Variants in GLIS3 observed in about 807,000 individuals in gnomAD.
The protein encoded by GLIS3 is GLIS family zinc finger 3.
In GLIS3, 53 loss-of-function variants were observed where a neutral mutation model predicts 78.6. The observed-to-expected ratio is 0.67, with a 90% CI of 0.54 to 0.85. GLIS3 has a LOEUF of 0.85. Ranked by LOEUF, GLIS3 falls within the 40% of genes least tolerant of loss-of-function variation. The pLI is 0.00. For synonymous variants in GLIS3, 684 were observed against 509.9 expected (o/e 1.34, Z -4.60); for missense variants, 1,703 against 1,231.1 (o/e 1.38, Z -5.74).
chr9:3,983,905 C>A (rs988564228), intron 4 of GLIS3, among the ~76,000 whole-genome samples: 1 of 152,188 alleles, frequency 6.6e-6, no homozygotes, highest in African/African-American at 2.4e-5. Flanking sequence ...AGGAGAAATT[C>A]AAGCTGGCTG....
intron 2 of GLIS3, among the ~76,000 whole-genome samples, chr9:4,181,459 T>C (rs1334078225): frequency 6.6e-6 from 1 of 152,192 alleles, no homozygotes; most frequent in African/African-American, 2.4e-5. Flanking sequence ...CCATGCTGGC[T>C]TACACAGAGG....
intron 2 of GLIS3, among the ~76,000 whole-genome samples, chr9:4,214,996 C>T (rs1231489559): frequency 6.6e-6 from 1 of 152,132 alleles, no homozygotes; most frequent in Non-Finnish European, 1.5e-5. Context: ...GACAGCTCTC[C>T]CTGTACTTTG....
At chr9:4,200,567 T>C (rs1460030385) in intron 2 of GLIS3, among the ~76,000 whole-genome samples, 1 of 152,038 alleles carries the variant, frequency 6.6e-6, no homozygotes, top group Non-Finnish European at 1.5e-5. Flanking sequence ...AGGAAATAGA[T>C]AAATTCCTGG....
chr9:4,225,855 G>T (rs1056702650), intron 2 of GLIS3, among the ~76,000 whole-genome samples: 1 of 152,142 alleles, frequency 6.6e-6, no homozygotes, highest in South Asian at 2.1e-4. Context: ...CAATTTTTCT[G>T]AGTTTTAATT....
chr9:3,939,565 G>A (rs1826087846), intron 4 of GLIS3, among the ~76,000 whole-genome samples: 1 of 152,104 alleles, frequency 6.6e-6, no homozygotes. Context: ...TTTTCAAATA[G>A]CAAGGATAGA....
intron 2 of GLIS3, among the ~76,000 whole-genome samples, chr9:4,323,640 T>C (rs1416086163): frequency 1.3e-5 from 2 of 152,294 alleles, no homozygotes; most frequent in East Asian, 3.9e-4. Context: ...ACCCCCTTAT[T>C]TATTATAGAC....
chr9:3,921,882 G>A (rs1824911152), intron 6 of GLIS3, among the ~76,000 whole-genome samples: 1 of 150,378 alleles, frequency 6.6e-6, no homozygotes, highest in Non-Finnish European at 1.5e-5. Flanking sequence ...TCTAAGAACT[G>A]TATATCAATA....
In GLIS3 at chr9:4,021,611, A is replaced by G. The variant is rs73388289; in HGVS notation, c.1711-84422T>C. ...GTCAGCTTTCCTATTCAACAGTTGA[A>G]CACTGGTAGAACCTCATTTTCAATT... On this transcript the variant is annotated intron_variant, in intron 4 of 10. Coordinates refer to ENST00000381971, the MANE Select transcript of GLIS3 (RefSeq NM_001042413.2). Among the ~76,000 whole-genome samples the G allele has an allele frequency of 1.9e-3, 293 of 152,300 alleles. 2 individuals carry two copies. Among genetic ancestry groups the G allele is most frequent in the African/African-American group, 6.7e-3 (278 of 41,560 alleles).
intron 2 of GLIS3, among the ~76,000 whole-genome samples, chr9:4,141,469 A>G (rs1290271155): frequency 1.3e-5 from 2 of 152,214 alleles, no homozygotes; most frequent in African/African-American, 4.8e-5. Context: ...AGTAACCTGA[A>G]GAACCAAGAA....
chr9:4,167,755 A>G (rs1815997815), intron 2 of GLIS3, among the ~76,000 whole-genome samples: 1 of 152,220 alleles, frequency 6.6e-6, no homozygotes, highest in African/African-American at 2.4e-5. Context: ...TGCCTTTCAT[A>G]TACTTTTCTG....
intron 7 of GLIS3, among the ~76,000 whole-genome samples, chr9:3,890,368 T>A (rs1399184641): frequency 6.6e-6 from 1 of 152,136 alleles, no homozygotes; most frequent in African/African-American, 2.4e-5. Context: ...GAAGGAACGC[T>A]TTATGTCAGC....
chr9:4,462,375 C>A, the GLIS3 span, among the ~76,000 whole-genome samples: 15 of 152,094 alleles, frequency 9.9e-5, no homozygotes, highest in African/African-American at 3.4e-4. Context: ...GGTAAGAGAC[C>A]AGTGGGGGTG....
chr9:4,454,071 T>G, the GLIS3 span, among the ~76,000 whole-genome samples: 1 of 150,850 alleles, frequency 6.6e-6, no homozygotes, highest in Admixed American at 6.6e-5. Flanking sequence ...TCAGCTTTAT[T>G]GAGGTATATT....
At chr9:4,460,456 G>C in the GLIS3 span, among the ~76,000 whole-genome samples, 1 of 152,148 alleles carries the variant, frequency 6.6e-6, no homozygotes, top group African/African-American at 2.4e-5. Context: ...ACACCATATG[G>C]TGCTTCTCCA....
chr9:4,332,255 C>A (rs1300109976), intron 2 of GLIS3, among the ~76,000 whole-genome samples: 1 of 152,158 alleles, frequency 6.6e-6, no homozygotes, highest in African/African-American at 2.4e-5. Flanking sequence ...TCACTGATAG[C>A]GCCTTTCCTT....
intron 2 of GLIS3, among the ~76,000 whole-genome samples, chr9:4,184,589 C>A (rs981176586): frequency 2.0e-5 from 3 of 152,114 alleles, no homozygotes; most frequent in African/African-American, 7.2e-5. Context: ...AATGTGTTTG[C>A]TTAAAAGAGA....
intron 9 of GLIS3, among the ~76,000 whole-genome samples, chr9:3,845,438 A>T (rs541769572): frequency 2.6e-5 from 4 of 152,310 alleles, no homozygotes; most frequent in Admixed American, 2.6e-4. Flanking sequence ...CAATCTTTTA[A>T]TAGTCATTAC....
chr9:4,156,677 T>A (rs921748645), intron 2 of GLIS3, among the ~76,000 whole-genome samples: 3 of 152,218 alleles, frequency 2.0e-5, no homozygotes, highest in Non-Finnish European at 4.4e-5. Flanking sequence ...AAAATTTACA[T>A]ATCCTTGTGA....
the GLIS3 span, among the ~76,000 whole-genome samples, chr9:4,365,983 G>C: frequency 2.0e-5 from 3 of 152,154 alleles, no homozygotes; most frequent in Non-Finnish European, 4.4e-5. Flanking sequence ...CACATTCTAA[G>C]GTGTCATTGA....
Sources: allele counts gnomAD v4.1 joint callset (sites outside exome capture counted in the v4.1 genomes callset), GRCh38; gene constraint gnomAD v4.1.1; transcripts MANE v1.5; gene names NCBI Gene and HGNC (gene_info 2026-07-23, HGNC 2026-07-21).